Variants in LNPK observed in about 807,000 individuals in gnomAD.
LNPK encodes the protein endoplasmic reticulum junction formation protein lunapark.
A neutral mutation model predicts 55.2 loss-of-function variants in LNPK; 29 were observed. The observed-to-expected ratio is 0.53, with a 90% CI of 0.39 to 0.72. LNPK has a LOEUF of 0.72. Among genes scored for constraint, LNPK ranks in the 30% least tolerant of loss-of-function variants. The pLI, the probability that LNPK is intolerant of heterozygous loss-of-function variation, is 0.00. For missense variants in LNPK, 467 were observed against 494.8 expected (o/e 0.94, Z 0.53); for synonymous variants, 162 against 168.2 (o/e 0.96, Z 0.29).
chr2:175,984,358 T>C (rs553133394), intron 4 of LNPK, among the ~76,000 whole-genome samples: 1 of 152,140 alleles, frequency 6.6e-6, no homozygotes, highest in Non-Finnish European at 1.5e-5. Context: ...TTTGTATTTT[T>C]CAGAGACGAG....
chr2:175,946,536 T>A (rs778781454), intron 9 of LNPK, among the ~76,000 whole-genome samples: 1 of 152,154 alleles, frequency 6.6e-6, no homozygotes, highest in Non-Finnish European at 1.5e-5. Context: ...GTTTTTTTAG[T>A]CTTCTAAAAT....
At chr2:175,967,548 G>GT (rs1686430927) in intron 6 of LNPK, 1 of 643,948 alleles carries the variant, frequency 1.6e-6, no homozygotes, top group Admixed American at 6.3e-5. Context: ...TATTCCAGAT[G>GT]TAAGAAAACT....
rs148996935 is a variant in LNPK, at chr2:175,945,549, A to G, written c.706+1931T>C. On this transcript the variant is annotated intron_variant, in intron 9 of 12. Coordinates refer to ENST00000272748, the MANE Select transcript of LNPK (RefSeq NM_030650.3). ...AAAAAAAGATTCCATCAGCTAAGTT[A>G]CTGGTTTACTTGTGCTAACAACATT... Among the ~76,000 whole-genome samples, 516 of 150,986 alleles carry G rather than the reference A, an allele frequency of 3.4e-3. 15 individuals are homozygous for G. In the South Asian group the frequency reaches 0.073, roughly 21 times the overall value.
At chr2:175,986,884 A>C (rs939937212) in intron 4 of LNPK, among the ~76,000 whole-genome samples, 8 of 152,040 alleles carry the variant, frequency 5.3e-5, no homozygotes, top group African/African-American at 1.9e-4. Context: ...AAGTATGTCC[A>C]CTATTTTCTC....
chr2:175,984,708 A>G, intron 4 of LNPK, among the ~76,000 whole-genome samples: 1 of 152,210 alleles, frequency 6.6e-6, no homozygotes, highest in East Asian at 1.9e-4. Context: ...AAGAGTGATT[A>G]ACACCAAATG....
intron 8 of LNPK, 95 bp downstream of exon 8, chr2:175,964,277 C>T: frequency 1.1e-6 from 1 of 882,810 alleles, no homozygotes; most frequent in Non-Finnish European, 1.8e-6. Flanking sequence ...AAGCATTCTA[C>T]ATAAGTTTTT....
rs1200004230 is a variant in LNPK at position 175,930,169 on chromosome 2, T to C, written c.1085A>G (p.Asn362Ser). The change falls in exon 13 of 13, where the codon AAT (asparagine) becomes AGT (serine). Residue 362 changes from asparagine to serine, a missense_variant. Asn to Ser is a conservative substitution (Grantham distance 46). Transcript: ENST00000272748. ...ESLEHDVLDD[N>S]TEQTDDKIPA... is the part of the protein sequence containing the mutation. ...TATTTTGTCATCTGTCTGCTCTGTA[T>C]TATCATCAAGAACATCGTGTTCTAA... 6.2e-7 allele frequency: 1 copy of C among 1,612,948 alleles called. No individual in the cohort carries two copies. Among genetic ancestry groups the C allele is most frequent in the African/African-American group, 1.3e-5 (1 of 74,980 alleles).
At chr2:175,930,657 T>TGTGG (rs574584868) in intron 12 of LNPK, among the ~76,000 whole-genome samples, 23 of 31,958 alleles carry the variant, frequency 7.2e-4, no homozygotes, top group Admixed American at 1.9e-3. Context: ...ATGTGTACTT[T>TGTGG]GTGGGTGGGT....
intron 9 of LNPK, 130 bp downstream of exon 9, chr2:175,947,350 T>G: frequency 2.9e-6 from 2 of 699,970 alleles, no homozygotes; most frequent in Non-Finnish European, 4.7e-6. Context: ...ATGGAACTCC[T>G]GCTTAATCAG....
intron 1 of LNPK, among the ~76,000 whole-genome samples, chr2:175,996,447 G>A (rs1235193973): frequency 1.3e-5 from 2 of 152,112 alleles, no homozygotes; most frequent in Non-Finnish European, 2.9e-5. Flanking sequence ...AGGATTACAA[G>A]GTTATCTGTG....
chr2:175,974,080 A>T (rs1163786823), intron 5 of LNPK, among the ~76,000 whole-genome samples: 1 of 152,166 alleles, frequency 6.6e-6, no homozygotes, highest in African/African-American at 2.4e-5. Flanking sequence ...AATTTTTATG[A>T]CCATTGCTTT....
At chr2:175,991,781 TA>T (rs1687712674) in intron 4 of LNPK, among the ~76,000 whole-genome samples, 1 of 152,208 alleles carries the variant, frequency 6.6e-6, no homozygotes, top group Non-Finnish European at 1.5e-5. Context: ...TGCTATATTA[TA>T]AAATATTTCT....
rs1357951754 is a variant in LNPK, at chr2:175,928,424, A to C, written c.*1543T>G. 6.6e-6 allele frequency: 1 copy of C among 151,700 alleles called. No homozygotes were observed. Among genetic ancestry groups the C allele is most frequent in the Non-Finnish European group, 1.5e-5 (1 of 67,946 alleles). 9.4% of individuals were successfully genotyped at this position (151,700 alleles called of 1,614,324 possible). ...TTATAGGTGACTTGCCCAAGACTAC[A>C]GACCTGAAATTTAAGCCCAATACGG... On this transcript the variant is annotated 3_prime_UTR_variant, in exon 13 of 13. Coordinates refer to ENST00000272748, the MANE Select transcript of LNPK (RefSeq NM_030650.3).
At chr2:175,933,731 G>GTTTTTTTT (rs34348423) in intron 12 of LNPK, among the ~76,000 whole-genome samples, 4 of 122,110 alleles carry the variant, frequency 3.3e-5, no homozygotes, top group East Asian at 2.4e-4. Context: ...CAAGTTAAGG[G>GTTTTTTTT]TTTTTTTTTT....
Position 175,975,320 on chromosome 2 carries a change from G to T in LNPK, c.316+4490C>A, listed in dbSNP as rs551334362. 9.2e-5 allele frequency among the ~76,000 whole-genome samples: 14 copies of T among 151,908 alleles called. No homozygotes were observed. In the South Asian group the frequency reaches 2.9e-3, roughly 31 times the overall value. ...ACCCATTTAAGCAAGAAAAATAAAA[G>T]AATAAGAATTGGAAAAGAAGAATCA... On this transcript the variant is annotated intron_variant, in intron 5 of 12. Transcript: ENST00000272748.
chr2:175,929,730 CT>C lies in LNPK; in HGVS notation c.*236del. 1 of 1,346,216 alleles carries C rather than the reference CT, an allele frequency of 7.4e-7. No individual in the cohort carries two copies. The highest frequency in any genetic ancestry group is 1.5e-5 in the African/African-American group (1 of 68,140). The allele number at this position is 1,346,216 out of a possible 1,614,324, so 83.4% of individuals were successfully genotyped here. ...GGACAAAAAAGTATCTAAAAGCTGT[CT>C]CAATAGTGTGGGTCTTTGTACATTC... On this transcript the variant is annotated 3_prime_UTR_variant, in exon 13 of 13. Transcript: ENST00000272748.
At chr2:175,983,851 T>C (rs1574887992) in intron 4 of LNPK, among the ~76,000 whole-genome samples, 1 of 149,246 alleles carries the variant, frequency 6.7e-6, no homozygotes, top group Admixed American at 6.7e-5. Flanking sequence ...ACTGAGCACA[T>C]CCACAGGCAA....
chr2:175,932,085 C>T, intron 12 of LNPK: 1 of 434,070 alleles, frequency 2.3e-6, no homozygotes, highest in East Asian at 7.1e-5. Context: ...GGATGTAACT[C>T]ACCAATAAAC....
chr2:175,993,286 A>G, intron 2 of LNPK, 63 bp from the exon 3 acceptor site: 3 of 967,486 alleles, frequency 3.1e-6, no homozygotes, highest in Non-Finnish European at 3.0e-6. Flanking sequence ...ACATTTTGAT[A>G]TAATCATTAA....
Sources: gnomAD v4.1 joint callset for allele counts (sites outside exome capture counted in the v4.1 genomes callset) on GRCh38, gnomAD v4.1.1 for gene constraint, MANE v1.5 for transcripts, NCBI Gene and HGNC (gene_info 2026-07-23, HGNC 2026-07-21) for gene names.